The following NEK11 variants were observed in gnomAD, a reference collection of about 807,000 sequenced individuals.
NEK11 encodes the protein NIMA related kinase 11, also known as serine/threonine-protein kinase Nek11.
NEK11 carries 72 observed loss-of-function variants against 80.7 expected under a neutral mutation model. The observed-to-expected ratio is 0.89, with a 90% CI of 0.74 to 1.08. NEK11 has a LOEUF of 1.08. NEK11 is among the 50% of genes least tolerant of loss of function. The pLI, the probability that NEK11 is intolerant of heterozygous loss-of-function variation, is 0.00. For missense variants in NEK11, 764 were observed against 763.6 expected, an observed-to-expected ratio of 1.00 and a Z score of -0.01; for synonymous variants, 251 against 260.7, an observed-to-expected ratio of 0.96 and a Z score of 0.36.
intron 14 of NEK11, among the ~76,000 whole-genome samples, chr3:131,176,340 T>A (rs1186858063): frequency 6.6e-6 from 1 of 152,220 alleles, no homozygotes; most frequent in Admixed American, 6.5e-5. Flanking sequence ...TTCCGTCACT[T>A]CTGGAGCTTT....
intron 5 of NEK11, among the ~76,000 whole-genome samples, chr3:131,129,648 G>C (rs2084054423): frequency 6.6e-6 from 1 of 152,086 alleles, no homozygotes; most frequent in Non-Finnish European, 1.5e-5. Context: ...TCTGTGTCTA[G>C]ATTCATCTAT....
At chr3:131,295,946 C>G (rs896887472) in intron 17 of NEK11, among the ~76,000 whole-genome samples, 1 of 152,104 alleles carries the variant, frequency 6.6e-6, no homozygotes, top group African/African-American at 2.4e-5. Context: ...CTCAAGTGAG[C>G]CTCCTAACTC....
chr3:131,178,898 G>A (rs772427863), intron 14 of NEK11, among the ~76,000 whole-genome samples: 13 of 152,168 alleles, frequency 8.5e-5, no homozygotes, highest in Non-Finnish European at 1.8e-4. Flanking sequence ...TATGTGGTTC[G>A]TTGTTGACTG....
intron 4 of NEK11, among the ~76,000 whole-genome samples, chr3:131,100,626 C>T (rs1007269991): frequency 6.6e-6 from 1 of 152,114 alleles, no homozygotes; most frequent in African/African-American, 2.4e-5. Flanking sequence ...TTTTGCTGTG[C>T]TACTGGATTC....
In NEK11 at chr3:131,185,811, G is replaced by A. The variant is rs111299114; in HGVS notation, c.1399+14924G>A. Among the ~76,000 whole-genome samples the A allele has an allele frequency of 2.6e-3, 391 of 152,190 alleles. 1 individual carries two copies. The highest frequency in any genetic ancestry group is 8.8e-3 in the African/African-American group (364 of 41,520). On this transcript the variant is annotated intron_variant, in intron 14 of 17. Coordinates refer to ENST00000383366, the MANE Select transcript of NEK11 (RefSeq NM_024800.5). ...AATGACTAAAATTTCTGGAATATTC[G>A]TACACATTTCAGAAAAATCCACTAA...
At chr3:131,239,209 G>C (rs1045117051) in intron 15 of NEK11, among the ~76,000 whole-genome samples, 1 of 152,072 alleles carries the variant, frequency 6.6e-6, no homozygotes, top group Non-Finnish European at 1.5e-5. Context: ...CTATGGGATG[G>C]CTCTGAGAGA....
intron 17 of NEK11, among the ~76,000 whole-genome samples, chr3:131,301,637 T>C (rs1041707044): frequency 5.3e-5 from 8 of 152,184 alleles, no homozygotes; most frequent in African/African-American, 1.9e-4. Flanking sequence ...GAGATGATCA[T>C]GTGGTTTTTG....
chr3:131,334,640 A>G (rs1193029844), intron 17 of NEK11, among the ~76,000 whole-genome samples: 2 of 151,940 alleles, frequency 1.3e-5, no homozygotes, highest in Non-Finnish European at 2.9e-5. Flanking sequence ...AAGGAAATAG[A>G]GACACAAAAA....
At chr3:131,081,314 G>A (rs926357118) in intron 4 of NEK11, among the ~76,000 whole-genome samples, 1 of 152,094 alleles carries the variant, frequency 6.6e-6, no homozygotes, top group African/African-American at 2.4e-5. Flanking sequence ...GTGGAAGTTT[G>A]GAAATGGAAA....
intron 4 of NEK11, among the ~76,000 whole-genome samples, chr3:131,087,806 G>A (rs1309573019): frequency 6.6e-6 from 1 of 152,068 alleles, no homozygotes. Flanking sequence ...ACTTCATATT[G>A]GGTGTGTTGT....
At chr3:131,258,707 T>A (rs973859762) in intron 16 of NEK11, among the ~76,000 whole-genome samples, 4 of 152,214 alleles carry the variant, frequency 2.6e-5, no homozygotes, top group African/African-American at 9.6e-5. Flanking sequence ...CCTTAACTCT[T>A]GTTGTTTTTA....
intron 17 of NEK11, among the ~76,000 whole-genome samples, chr3:131,343,984 G>T (rs535747634): frequency 5.9e-5 from 9 of 152,128 alleles, no homozygotes; most frequent in Non-Finnish European, 1.2e-4. Context: ...TCTAGCAGGT[G>T]GTTGCTCCAT....
At chr3:131,214,939 T>C (rs1561012716) in intron 14 of NEK11, among the ~76,000 whole-genome samples, 1 of 152,162 alleles carries the variant, frequency 6.6e-6, no homozygotes, top group African/African-American at 2.4e-5. Context: ...AGCTAATCAA[T>C]GTAGTTAAAT....
At chr3:131,198,486 T>C (rs1467663171) in intron 14 of NEK11, among the ~76,000 whole-genome samples, 1 of 152,188 alleles carries the variant, frequency 6.6e-6, no homozygotes, top group African/African-American at 2.4e-5. Flanking sequence ...GCCACAAGTC[T>C]CCTTTAGCAG....
intron 17 of NEK11, among the ~76,000 whole-genome samples, chr3:131,334,733 A>G (rs1217348441): frequency 6.6e-6 from 1 of 152,246 alleles, no homozygotes; most frequent in Admixed American, 6.5e-5. Flanking sequence ...AAGATTAATA[A>G]AGAAAAAAAG....
chr3:131,331,275 G>C (rs931842157), intron 17 of NEK11, among the ~76,000 whole-genome samples: 53 of 152,304 alleles, frequency 3.5e-4, no homozygotes, highest in South Asian at 1.0e-3. Context: ...TCAGCAAAGA[G>C]GCAGTTTTCA....
At chr3:131,344,572 C>CAAATTTCTG (rs1202024783) in intron 17 of NEK11, among the ~76,000 whole-genome samples, 2 of 151,738 alleles carry the variant, frequency 1.3e-5, no homozygotes, top group East Asian at 3.9e-4. Context: ...CTGTATTAGG[C>CAAATTTCTG]TATTTGTTGC....
Position 131,080,016 on chromosome 3 carries a change from CAT to C in NEK11, c.171-398_171-397del, listed in dbSNP as rs758429047. 4.9e-3 allele frequency among the ~76,000 whole-genome samples: 641 copies of C among 131,298 alleles called. 2 individuals carry two copies. Among genetic ancestry groups the C allele is most frequent in the Non-Finnish European group, 7.5e-3 (459 of 61,360 alleles). 86.1% of individuals were successfully genotyped at this position (131,298 alleles called of 152,430 possible). ...TACAGGGAGACAGAGTGATGGATTA[CAT>C]ATATATATGTGTGTGTGTGTTTGTG... On this transcript the variant is annotated intron_variant, in intron 3 of 17. Coordinates refer to ENST00000383366, the MANE Select transcript of NEK11 (RefSeq NM_024800.5).
intron 3 of NEK11, among the ~76,000 whole-genome samples, chr3:131,045,837 GT>G (rs897812086): frequency 1.3e-5 from 2 of 151,962 alleles, no homozygotes; most frequent in African/African-American, 2.4e-5. Context: ...TTTTGGACAA[GT>G]TTTTTTTATC....
Sources: gnomAD v4.1 joint callset for allele counts (sites outside exome capture counted in the v4.1 genomes callset) on GRCh38, gnomAD v4.1.1 for gene constraint, MANE v1.5 for transcripts, NCBI Gene and HGNC (gene_info 2026-07-23, HGNC 2026-07-21) for gene names.